The following DZANK1 variants were observed in gnomAD, a reference collection of about 807,000 sequenced individuals.
DZANK1 encodes the protein double zinc ribbon and ankyrin repeat-containing protein 1.
DZANK1 carries 91 observed loss-of-function variants against 94.5 expected under a neutral mutation model. The observed-to-expected ratio is 0.96, with a 90% CI of 0.81 to 1.15. The LOEUF (loss-of-function observed/expected upper bound fraction) is 1.15, where lower values mean the gene tolerates loss of function less well. Among genes scored for constraint, DZANK1 ranks in the 50% most tolerant of loss-of-function variants. DZANK1 has a pLI of 0.00. For synonymous variants in DZANK1, 312 were observed against 325.3 expected (o/e 0.96, Z 0.44); for missense variants, 903 against 916.4 (o/e 0.99, Z 0.19).
At chr20:18,408,605 T>C (rs1467496803) in intron 13 of DZANK1, among the ~76,000 whole-genome samples, 2 of 152,162 alleles carry the variant, frequency 1.3e-5, no homozygotes, top group African/African-American at 2.4e-5. Context: ...GAGAGTGGCA[T>C]GACATATTTA....
intron 8 of DZANK1, among the ~76,000 whole-genome samples, chr20:18,439,651 G>A (rs1045036284): frequency 1.3e-5 from 2 of 152,078 alleles, no homozygotes; most frequent in East Asian, 1.9e-4. Flanking sequence ...CATCCCCCAC[G>A]ATCATATCTG....
chr20:18,396,361 T>C, intron 15 of DZANK1, 111 bp downstream of exon 15: 1 of 873,882 alleles, frequency 1.1e-6, no homozygotes, highest in Non-Finnish European at 1.8e-6. Context: ...TAGCATTTCA[T>C]AATGTGTGAA....
intron 13 of DZANK1, among the ~76,000 whole-genome samples, chr20:18,404,323 C>A (rs1279878466): frequency 1.3e-5 from 2 of 152,110 alleles, no homozygotes; most frequent in East Asian, 3.9e-4. Flanking sequence ...AATCATCCAA[C>A]AATAAGCACA....
chr20:18,428,076 G>A lies in DZANK1; in HGVS notation c.862-917C>T, dbSNP rs554629155. Among the ~76,000 whole-genome samples, 1,170 of 151,330 alleles carry A rather than the reference G, an allele frequency of 7.7e-3. 7 individuals carry two copies. Among genetic ancestry groups the A allele is most frequent in the Non-Finnish European group, 0.012 (816 of 67,690 alleles). On this transcript the variant is annotated intron_variant, in intron 9 of 20. Coordinates refer to ENST00000262547, the Ensembl canonical transcript of DZANK1. ...TGAGGCAGGAGAATGGTGTGAACCC[G>A]GGAGGCGGAGCTTGCAGTGAGCTGA... is the stretch of plus-strand genomic sequence containing the variant.
intron 13 of DZANK1, among the ~76,000 whole-genome samples, chr20:18,404,892 A>G (rs1048400997): frequency 1.3e-5 from 2 of 152,008 alleles, no homozygotes; most frequent in Non-Finnish European, 2.9e-5. Context: ...AGCCTGGGTG[A>G]CAGAGCAAGA....
chr20:18,385,784 C>T (rs533427913), intron 19 of DZANK1, among the ~76,000 whole-genome samples: 5 of 152,204 alleles, frequency 3.3e-5, no homozygotes, highest in African/African-American at 1.2e-4. Context: ...GACCTTGGCT[C>T]CAGTGAGTTG....
chr20:18,399,975 A>G (rs2056583139), intron 13 of DZANK1, among the ~76,000 whole-genome samples: 1 of 152,264 alleles, frequency 6.6e-6, no homozygotes, highest in Admixed American at 6.5e-5. Context: ...GAAAGAGAAC[A>G]TAATTTGGAG....
At chr20:18,443,523 G>T in intron 7 of DZANK1, 59 bp from the exon 8 acceptor site, 1 of 966,498 alleles carries the variant, frequency 1.0e-6, no homozygotes, top group Non-Finnish European at 1.5e-6. Flanking sequence ...TAAGAAGACT[G>T]ATAAAAATCT....
intron 14 of DZANK1, 60 bp downstream of exon 14, chr20:18,398,463 G>T (rs1173146530): frequency 6.6e-7 from 1 of 1,503,818 alleles, no homozygotes; most frequent in East Asian, 2.3e-5. Context: ...AAAGTCCATG[G>T]AGGGTTCCTT....
intron 13 of DZANK1, among the ~76,000 whole-genome samples, chr20:18,410,846 T>A (rs1256709805): frequency 6.6e-6 from 1 of 151,992 alleles, no homozygotes; most frequent in East Asian, 1.9e-4. Context: ...AGCTACTCAG[T>A]AGATTGAGGG....
chr20:18,439,905 T>A (rs1309876619), intron 8 of DZANK1, among the ~76,000 whole-genome samples: 1 of 152,114 alleles, frequency 6.6e-6, no homozygotes, highest in Non-Finnish European at 1.5e-5. Context: ...CCAGAATTCA[T>A]TATATTGAAG....
At chr20:18,438,842 G>A (rs1312421139) in intron 8 of DZANK1, among the ~76,000 whole-genome samples, 1 of 152,162 alleles carries the variant, frequency 6.6e-6, no homozygotes, top group African/African-American at 2.4e-5. Context: ...TTCATATGGT[G>A]GAAGGCAAAC....
chr20:18,461,311 T>C (rs1010001024), intron 2 of DZANK1, among the ~76,000 whole-genome samples: 3 of 152,230 alleles, frequency 2.0e-5, no homozygotes, highest in Non-Finnish European at 4.4e-5. Flanking sequence ...TGTCTTATAT[T>C]GGTACATAAA....
intron 2 of DZANK1, among the ~76,000 whole-genome samples, chr20:18,463,183 A>G (rs1015892837): frequency 2.6e-5 from 4 of 152,252 alleles, no homozygotes; most frequent in Non-Finnish European, 4.4e-5. Context: ...TGCAGTGATA[A>G]AAAAGAATGA....
chr20:18,453,920 T>TC, intron 4 of DZANK1, 93 bp from the exon 5 acceptor site: 1 of 876,490 alleles, frequency 1.1e-6, no homozygotes, highest in Non-Finnish European at 1.9e-6. Flanking sequence ...TGTGCATTTC[T>TC]TATTTGAAAG....
exon 19 of DZANK1, chr20:18,389,790 G>T: frequency 6.2e-7 from 1 of 1,613,928 alleles, no homozygotes; most frequent in Non-Finnish European, 8.5e-7. Flanking sequence ...CGGTTATGAC[G>T]GGTCGATTGT....
chr20:18,453,663 G>GT, intron 5 of DZANK1, 68 bp downstream of exon 5: 1 of 1,101,750 alleles, frequency 9.1e-7, no homozygotes, highest in Non-Finnish European at 1.4e-6. Flanking sequence ...AACATGCAAC[G>GT]AACATGCCAT....
At chr20:18,433,836 G>T in intron 8 of DZANK1, 71 bp from the exon 9 acceptor site, 3 of 1,370,646 alleles carry the variant, frequency 2.2e-6, no homozygotes, top group Non-Finnish European at 3.1e-6. Flanking sequence ...TAGAATGTAA[G>T]GTTTGGTCTA....
At chr20:18,414,663 A>G (rs888762372) in intron 11 of DZANK1, among the ~76,000 whole-genome samples, 151 bp from the exon 12 acceptor site, 1 of 152,240 alleles carries the variant, frequency 6.6e-6, no homozygotes, top group Non-Finnish European at 1.5e-5. Flanking sequence ...AAGTACAGAA[A>G]GAAGTGTACT....
Sources: gnomAD v4.1 joint callset for allele counts (sites outside exome capture counted in the v4.1 genomes callset) on GRCh38, gnomAD v4.1.1 for gene constraint, MANE v1.5 for transcripts, NCBI Gene and HGNC (gene_info 2026-07-23, HGNC 2026-07-21) for gene names.